CDH12: variants seen among roughly 807,000 people sequenced by gnomAD.
The protein encoded by CDH12 is cadherin-12.
Under a neutral mutation model 74.1 loss-of-function variants are expected in CDH12, and 41 were observed. The ratio of observed to expected loss-of-function variants is 0.55; its 90% CI spans 0.43 to 0.72. The LOEUF (loss-of-function observed/expected upper bound fraction) is 0.72. Among genes scored for constraint, CDH12 ranks in the 30% least tolerant of loss-of-function variants. The pLI is 0.00. For missense variants in CDH12, 945 were observed against 977.2 expected (o/e 0.97, Z 0.44); for synonymous variants, 399 against 355.0 (o/e 1.12, Z -1.39).
intron 6 of CDH12, among the ~76,000 whole-genome samples, chr5:21,925,836 G>A (rs948654717): frequency 6.6e-6 from 1 of 152,074 alleles, no homozygotes; most frequent in Admixed American, 6.5e-5. Context: ...GGCAAAACAA[G>A]CTAGGAGCTG....
intron 5 of CDH12, among the ~76,000 whole-genome samples, chr5:21,982,308 T>C (rs1757338886): frequency 6.6e-6 from 1 of 151,986 alleles, no homozygotes; most frequent in African/African-American, 2.4e-5. Flanking sequence ...TTTTCCTGGG[T>C]CTTGAGCCTG....
At chr5:22,223,965 A>G (rs1195100845) in intron 3 of CDH12, among the ~76,000 whole-genome samples, 1 of 152,070 alleles carries the variant, frequency 6.6e-6, no homozygotes, top group Non-Finnish European at 1.5e-5. Flanking sequence ...ATAGAGGCAG[A>G]TTTCCAGAAG....
rs543835819 is a variant in CDH12 at position 22,360,537 on chromosome 5, G to C, written c.-333+44720C>G. Among the ~76,000 whole-genome samples the C allele has an allele frequency of 1.7e-3, 257 of 152,130 alleles. 2 individuals are homozygous for C. The highest frequency in any genetic ancestry group is 6.1e-3 in the African/African-American group (254 of 41,524). ...TGGTACCATTCCTTCTGAAACTATTGCAATCAATAGGAAAAGAGGAAATCC... is the reference window on the plus strand; with the variant it reads ...TGGTACCATTCCTTCTGAAACTATTCCAATCAATAGGAAAAGAGGAAATCC... On this transcript the variant is annotated intron_variant, in intron 3 of 14. Transcript: ENST00000382254.
intron 4 of CDH12, among the ~76,000 whole-genome samples, chr5:22,194,304 C>A (rs1017101440): frequency 1.2e-5 from 1 of 83,468 alleles, no homozygotes; most frequent in African/African-American, 3.1e-5. Context: ...TTTTCTTTTT[C>A]TTTCTTTTTT....
At chr5:22,630,265 T>C (rs1365616666) in intron 1 of CDH12, among the ~76,000 whole-genome samples, 1 of 152,028 alleles carries the variant, frequency 6.6e-6, no homozygotes, top group Non-Finnish European at 1.5e-5. Flanking sequence ...GAAACTATTC[T>C]AAAATTCATA....
At chr5:22,117,423 A>G (rs1745181487) in intron 4 of CDH12, among the ~76,000 whole-genome samples, 1 of 122,116 alleles carries the variant, frequency 8.2e-6, no homozygotes, top group African/African-American at 3.2e-5. Context: ...AATTATATAC[A>G]TGCATATATA....
chr5:22,530,763 C>G (rs924921932), intron 1 of CDH12, among the ~76,000 whole-genome samples: 2 of 152,054 alleles, frequency 1.3e-5, no homozygotes, highest in Admixed American at 1.3e-4. Flanking sequence ...ACCACTCAAA[C>G]TTTTAAATCA....
chr5:22,070,499 G>A (rs1561079008), intron 5 of CDH12, among the ~76,000 whole-genome samples: 1 of 152,102 alleles, frequency 6.6e-6, no homozygotes, highest in Non-Finnish European at 1.5e-5. Flanking sequence ...TTATGTGGGT[G>A]GGACACACCT....
At chr5:22,470,022 T>C (rs553978683) in intron 2 of CDH12, among the ~76,000 whole-genome samples, 1 of 152,242 alleles carries the variant, frequency 6.6e-6, no homozygotes, top group Non-Finnish European at 1.5e-5. Flanking sequence ...GACAAGAAAA[T>C]GAAATCTGCT....
chr5:22,410,024 C>A (rs758644062), intron 2 of CDH12, among the ~76,000 whole-genome samples: 2 of 152,044 alleles, frequency 1.3e-5, no homozygotes, highest in East Asian at 1.9e-4. Flanking sequence ...ATTTTTCTCA[C>A]TAGTTTAATT....
chr5:21,779,672 C>A (rs1241616375), intron 11 of CDH12: 2 of 152,110 alleles, frequency 1.3e-5, no homozygotes, highest in African/African-American at 2.4e-5. Flanking sequence ...AGGGTCAGAG[C>A]CAAAACATAT....
At chr5:21,971,264 A>T (rs1756843200) in intron 6 of CDH12, among the ~76,000 whole-genome samples, 1 of 152,152 alleles carries the variant, frequency 6.6e-6, no homozygotes, top group Non-Finnish European at 1.5e-5. Flanking sequence ...AAAATGGTAT[A>T]TTAAATTCTG....
intron 6 of CDH12, chr5:21,883,542 A>G: frequency 1.2e-6 from 2 of 1,610,934 alleles, no homozygotes; most frequent in Non-Finnish European, 1.7e-6. Context: ...AGATATGGCT[A>G]TTGCTACTGG....
At chr5:22,497,885 C>G (rs1000197618) in intron 2 of CDH12, among the ~76,000 whole-genome samples, 1 of 151,910 alleles carries the variant, frequency 6.6e-6, no homozygotes, top group African/African-American at 2.4e-5. Flanking sequence ...TCAAGTGATC[C>G]GCCCAACTCA....
chr5:22,773,512 A>T (rs1388933253), intron 1 of CDH12, among the ~76,000 whole-genome samples: 1 of 152,210 alleles, frequency 6.6e-6, no homozygotes, highest in Non-Finnish European at 1.5e-5. Flanking sequence ...GATGGATTAA[A>T]GATTTAAATG....
At chr5:21,805,367 A>G (rs567542886) in intron 9 of CDH12, among the ~76,000 whole-genome samples, 9 of 152,194 alleles carry the variant, frequency 5.9e-5, no homozygotes, top group South Asian at 4.1e-4. Context: ...GAATTTTGAA[A>G]CCTTTAAAAG....
chr5:22,284,915 A>G (rs1266011613), intron 3 of CDH12, among the ~76,000 whole-genome samples: 2 of 148,710 alleles, frequency 1.3e-5, no homozygotes, highest in Non-Finnish European at 3.0e-5. Flanking sequence ...AGATGAAAGA[A>G]TAAAGGCAAA....
intron 2 of CDH12, among the ~76,000 whole-genome samples, chr5:22,433,246 T>C (rs983114475): frequency 6.6e-6 from 1 of 152,182 alleles, no homozygotes; most frequent in Non-Finnish European, 1.5e-5. Flanking sequence ...TCATCAACGT[T>C]GGTATACTAT....
At chr5:21,783,633 A>C (rs1486666831) in intron 10 of CDH12, 139 bp from the exon 11 acceptor site, 3 of 639,356 alleles carry the variant, frequency 4.7e-6, no homozygotes, top group Non-Finnish European at 8.2e-6. Flanking sequence ...TGTAAATGAC[A>C]GCTTCTTTAT....
Sources: gnomAD v4.1 joint callset for allele counts (sites outside exome capture counted in the v4.1 genomes callset) on GRCh38, gnomAD v4.1.1 for gene constraint, MANE v1.5 for transcripts, NCBI Gene and HGNC (gene_info 2026-07-23, HGNC 2026-07-21) for gene names.